The following RPS6KC1 variants were observed in gnomAD, a reference collection of about 807,000 sequenced individuals.
The protein encoded by RPS6KC1 is ribosomal protein S6 kinase C1, also known as inactive ribosomal protein S6 kinase delta-1.
A neutral mutation model predicts 103.8 loss-of-function variants in RPS6KC1; 54 were observed. The ratio of observed to expected loss-of-function variants is 0.52; its 90% CI spans 0.42 to 0.65. The LOEUF is 0.65. Ranked by LOEUF, RPS6KC1 falls within the 30% of genes least tolerant of loss-of-function variation. The probability of loss-of-function intolerance (pLI) is 0.00; values close to 1 mark genes in which losing one functional copy is unlikely to be tolerated. For missense variants in RPS6KC1, 1,151 were observed against 1,253.8 expected, an observed-to-expected ratio of 0.92 and a Z score of 1.24; for synonymous variants, 439 against 438.7, an observed-to-expected ratio of 1.00 and a Z score of -0.01.
At chr1:213,309,855 T>C in the RPS6KC1 span, among the ~76,000 whole-genome samples, 1 of 152,148 alleles carries the variant, frequency 6.6e-6, no homozygotes. Flanking sequence ...TGGCTAATTT[T>C]TGTATTTTTA....
At chr1:213,731,864 A>G in the RPS6KC1 span, among the ~76,000 whole-genome samples, 2 of 152,154 alleles carry the variant, frequency 1.3e-5, no homozygotes, top group Non-Finnish European at 2.9e-5. Flanking sequence ...CAACAGTAGA[A>G]TATATATACT....
rs1274503655 is a variant in RPS6KC1 at position 213,254,596 on chromosome 1, A to C, written c.2912-6962A>C. 3.3e-5 allele frequency among the ~76,000 whole-genome samples: 5 copies of C among 152,214 alleles called. No homozygotes were observed. In the South Asian group the frequency reaches 1.0e-3, roughly 32 times the overall value. ...TAAAATTACAGATTATAAGAGGCTG[A>C]AAGAATGTTAGAGGTCTGGCTGTTC... On this transcript the variant is annotated intron_variant, in intron 12 of 14. Coordinates refer to ENST00000366960, the MANE Select transcript of RPS6KC1 (RefSeq NM_012424.6).
the RPS6KC1 span, among the ~76,000 whole-genome samples, chr1:213,695,918 T>C: frequency 6.6e-6 from 1 of 152,232 alleles, no homozygotes; most frequent in African/African-American, 2.4e-5. Context: ...AAGTAAAGCA[T>C]ACAACCTCTT....
the RPS6KC1 span, among the ~76,000 whole-genome samples, chr1:213,593,370 G>T: frequency 2.0e-5 from 3 of 152,336 alleles, no homozygotes; most frequent in African/African-American, 7.2e-5. Context: ...AGGAGTGGAA[G>T]CAGGGAGACC....
chr1:213,595,189 C>T, the RPS6KC1 span, among the ~76,000 whole-genome samples: 19 of 152,264 alleles, frequency 1.2e-4, no homozygotes, highest in African/African-American at 4.6e-4. Context: ...TAAACGCCAC[C>T]ATTATCTGTA....
the RPS6KC1 span, among the ~76,000 whole-genome samples, chr1:213,543,891 A>G: frequency 6.6e-6 from 1 of 152,200 alleles, no homozygotes; most frequent in Admixed American, 6.5e-5. Context: ...ACACTTTACA[A>G]AAGATCTAAC....
At chr1:213,518,472 A>T in the RPS6KC1 span, among the ~76,000 whole-genome samples, 21 of 152,208 alleles carry the variant, frequency 1.4e-4, no homozygotes, top group Non-Finnish European at 2.1e-4. Context: ...AGCTGGAAGA[A>T]GCAAGGAAGG....
At chr1:213,294,048 G>A in the RPS6KC1 span, among the ~76,000 whole-genome samples, 1 of 152,172 alleles carries the variant, frequency 6.6e-6, no homozygotes, top group African/African-American at 2.4e-5. Context: ...TGGAAGGAAA[G>A]CAACCCGAGC....
At position 213,119,567 on chromosome 1, in the gene RPS6KC1, C is replaced by T. The variant is rs78799775; in HGVS notation, c.472+2157C>T. ...GTTTCTTTTCTCTATTTTTTTGATA[C>T]AAGAATCAAAGGTTCTGTGATATGG... On this transcript the variant is annotated intron_variant, in intron 5 of 14. Transcript: ENST00000366960. Among the ~76,000 whole-genome samples the T allele has an allele frequency of 9.0e-4, 133 of 147,496 alleles. 1 individual carries two copies. The East Asian group carries it at 0.022, about 25-fold the overall frequency.
At chr1:213,355,452 G>A in the RPS6KC1 span, among the ~76,000 whole-genome samples, 1 of 152,042 alleles carries the variant, frequency 6.6e-6, no homozygotes, top group Non-Finnish European at 1.5e-5. Flanking sequence ...GCACGGGCAC[G>A]GGGCAGTTGA....
At chr1:213,409,424 T>C in the RPS6KC1 span, among the ~76,000 whole-genome samples, 1 of 151,960 alleles carries the variant, frequency 6.6e-6, no homozygotes, top group East Asian at 1.9e-4. Flanking sequence ...GGATGAAGAC[T>C]GATCTTTGGC....
At chr1:213,698,179 C>G in the RPS6KC1 span, among the ~76,000 whole-genome samples, 149,541 of 152,316 alleles carry the variant, frequency 0.98, 73,459 homozygotes, top group South Asian at 1. Flanking sequence ...ACATTGAGGA[C>G]TATCTGTAAT....
chr1:213,167,651 G>C (rs1168682528), intron 6 of RPS6KC1, among the ~76,000 whole-genome samples: 2 of 152,128 alleles, frequency 1.3e-5, no homozygotes, highest in African/African-American at 4.8e-5. Context: ...TTAAATAGGA[G>C]AATGTTAGAA....
chr1:213,279,106 T>C (rs9429905), downstream of RPS6KC1, among the ~76,000 whole-genome samples: 152,094 of 152,212 alleles, frequency 1, 75,988 homozygotes, highest in Middle Eastern at 1. Flanking sequence ...GAACTAGTGA[T>C]GTTTCTTGGA....
chr1:213,081,555 G>A (rs1339999554), intron 3 of RPS6KC1, among the ~76,000 whole-genome samples: 1 of 151,948 alleles, frequency 6.6e-6, no homozygotes, highest in Non-Finnish European at 1.5e-5. Context: ...CACCTTCCCA[G>A]ATTGTACTAG....
At chr1:213,203,517 A>G (rs1157117007) in intron 8 of RPS6KC1, among the ~76,000 whole-genome samples, 1 of 152,046 alleles carries the variant, frequency 6.6e-6, no homozygotes, top group African/African-American at 2.4e-5. Context: ...TGCCTGTTTT[A>G]AGTCCTTTTC....
the RPS6KC1 span, among the ~76,000 whole-genome samples, chr1:213,452,914 G>C: frequency 6.6e-6 from 1 of 152,210 alleles, no homozygotes; most frequent in Non-Finnish European, 1.5e-5. Flanking sequence ...TACCTGGCTG[G>C]TTCCGCTTTG....
the RPS6KC1 span, among the ~76,000 whole-genome samples, chr1:213,808,794 C>T: frequency 5.3e-5 from 8 of 152,338 alleles, no homozygotes; most frequent in East Asian, 9.7e-4. Context: ...CACTGACCTG[C>T]GCCCACTGTC....
At chr1:213,601,718 A>G in the RPS6KC1 span, among the ~76,000 whole-genome samples, 1 of 151,962 alleles carries the variant, frequency 6.6e-6, no homozygotes, top group Admixed American at 6.6e-5. Context: ...TCATGCCTCC[A>G]CAATGGATTC....
Sources: gnomAD v4.1 joint callset for allele counts (sites outside exome capture counted in the v4.1 genomes callset) on GRCh38, gnomAD v4.1.1 for gene constraint, MANE v1.5 for transcripts, NCBI Gene and HGNC (gene_info 2026-07-23, HGNC 2026-07-21) for gene names.